Variants in DNER observed in about 807,000 individuals in gnomAD.
DNER encodes the protein delta/notch like EGF repeat containing.
A neutral mutation model predicts 78.2 loss-of-function variants in DNER; 33 were observed. That is an observed-to-expected ratio of 0.42 (90% confidence interval 0.32 to 0.56). DNER has a LOEUF of 0.56. DNER is among the 20% of genes least tolerant of loss of function. The pLI is 0.11. For synonymous variants in DNER, 417 were observed against 384.8 expected, an observed-to-expected ratio of 1.08 and a Z score of -0.98; for missense variants, 918 against 975.3, an observed-to-expected ratio of 0.94 and a Z score of 0.78.
At chr2:229,595,095 T>C (rs1458127577) in intron 1 of DNER, among the ~76,000 whole-genome samples, 1 of 152,100 alleles carries the variant, frequency 6.6e-6, no homozygotes, top group African/African-American at 2.4e-5. Context: ...TCCTACCTGC[T>C]ATTCACAATA....
intron 1 of DNER, among the ~76,000 whole-genome samples, chr2:229,654,223 T>C (rs1193568499): frequency 1.3e-5 from 2 of 152,182 alleles, no homozygotes; most frequent in Non-Finnish European, 2.9e-5. Flanking sequence ...TGTTTGATTT[T>C]CTGTCCTTGC....
chr2:229,680,739 C>T (rs10195162), intron 1 of DNER, among the ~76,000 whole-genome samples: 99,329 of 152,122 alleles, frequency 0.65, 34,146 homozygotes, highest in Middle Eastern at 0.78. Flanking sequence ...CCTTTTCATA[C>T]AGGTTACCTT....
intron 1 of DNER, among the ~76,000 whole-genome samples, chr2:229,668,035 A>G (rs6712401): frequency 0.21 from 31,428 of 152,064 alleles, 5,637 homozygotes; most frequent in African/African-American, 0.49. Flanking sequence ...GAGCTTTTGA[A>G]GCCCAAATCT....
intron 6 of DNER, among the ~76,000 whole-genome samples, chr2:229,500,482 C>A (rs1695595878): frequency 6.6e-6 from 1 of 152,090 alleles, no homozygotes. Context: ...TTAAGTTCCT[C>A]AAAAAACTAA....
At chr2:229,565,678 C>T (rs948361137) in intron 4 of DNER, among the ~76,000 whole-genome samples, 1 of 152,126 alleles carries the variant, frequency 6.6e-6, no homozygotes, top group Non-Finnish European at 1.5e-5. Context: ...TAAGTAATCT[C>T]CAATTAGCAA....
intron 1 of DNER, among the ~76,000 whole-genome samples, chr2:229,712,900 A>T (rs1340842624): frequency 2.0e-5 from 3 of 152,342 alleles, no homozygotes; most frequent in East Asian, 3.9e-4. Flanking sequence ...TAAATGAAAT[A>T]AAAAGATTCT....
intron 1 of DNER, among the ~76,000 whole-genome samples, chr2:229,704,696 G>A (rs1199398447): frequency 6.6e-6 from 1 of 152,234 alleles, no homozygotes; most frequent in Admixed American, 6.5e-5. Flanking sequence ...CGGGGCATGA[G>A]GAAATGTATA....
intron 1 of DNER, among the ~76,000 whole-genome samples, chr2:229,629,170 A>G (rs1228164655): frequency 6.6e-6 from 1 of 152,196 alleles, no homozygotes; most frequent in African/African-American, 2.4e-5. Context: ...ATTGGCTGCA[A>G]TCATCATACA....
intron 1 of DNER, among the ~76,000 whole-genome samples, chr2:229,677,253 C>T (rs1368581701): frequency 6.6e-6 from 1 of 152,144 alleles, no homozygotes; most frequent in Non-Finnish European, 1.5e-5. Context: ...CCTTCTAGCT[C>T]TCCAGGTCAA....
At chr2:229,491,815 A>T (rs1342360661) in intron 6 of DNER, among the ~76,000 whole-genome samples, 1 of 152,082 alleles carries the variant, frequency 6.6e-6, no homozygotes, top group Admixed American at 6.6e-5. Flanking sequence ...TCCCATCTCA[A>T]TTCCTGGCTT....
chr2:229,479,161 C>G (rs746102700), intron 6 of DNER, among the ~76,000 whole-genome samples: 1 of 152,150 alleles, frequency 6.6e-6, no homozygotes, highest in South Asian at 2.1e-4. Context: ...CTTTTTATGG[C>G]TGCGTAGTAT....
chr2:229,574,750 C>T (rs1697268029), intron 4 of DNER, among the ~76,000 whole-genome samples: 1 of 152,072 alleles, frequency 6.6e-6, no homozygotes, highest in African/African-American at 2.4e-5. Flanking sequence ...TGGAAGTTTG[C>T]ATATTTTGTC....
intron 4 of DNER, among the ~76,000 whole-genome samples, chr2:229,579,544 C>T (rs138191532): frequency 2.6e-5 from 4 of 152,254 alleles, no homozygotes; most frequent in East Asian, 3.9e-4. Flanking sequence ...TAGCTTTAAG[C>T]GGTGCTCTAC....
chr2:229,449,579 T>A (rs1694410836), intron 7 of DNER, among the ~76,000 whole-genome samples: 1 of 151,018 alleles, frequency 6.6e-6, no homozygotes, highest in Non-Finnish European at 1.5e-5. Flanking sequence ...GAAAAAAAAA[T>A]GGTGGGGGTG....
intron 1 of DNER, among the ~76,000 whole-genome samples, chr2:229,600,010 G>T (rs552518147): frequency 6.6e-6 from 1 of 152,262 alleles, no homozygotes; most frequent in African/African-American, 2.4e-5. Context: ...CATCAGTCAG[G>T]GAACTTTTAA....
At chr2:229,486,364 C>CAAAA (rs35357754) in intron 6 of DNER, among the ~76,000 whole-genome samples, 25 of 143,850 alleles carry the variant, frequency 1.7e-4, no homozygotes, top group Admixed American at 6.9e-4. Flanking sequence ...TTGGAATATG[C>CAAAA]AAAAAAAAAA....
intron 1 of DNER, among the ~76,000 whole-genome samples, chr2:229,620,269 AAGGAACTGTCAAC>A (rs1698231562): frequency 6.6e-6 from 1 of 152,256 alleles, no homozygotes; most frequent in Non-Finnish European, 1.5e-5. Flanking sequence ...GAAAGCAATT[AAGGAACTGTCAAC>A]AGAAAGGGCT....
At chr2:229,602,060 C>T (rs934903048) in intron 1 of DNER, among the ~76,000 whole-genome samples, 4 of 151,298 alleles carry the variant, frequency 2.6e-5, no homozygotes, top group African/African-American at 7.3e-5. Flanking sequence ...AGTTGCAGAA[C>T]AATTCCAGTG....
intron 1 of DNER, among the ~76,000 whole-genome samples, chr2:229,698,592 C>T (rs1699696541): frequency 6.6e-6 from 1 of 152,106 alleles, no homozygotes; most frequent in African/African-American, 2.4e-5. Context: ...TTTGGCATCA[C>T]GCTGTTAAGT....
Sources: gnomAD v4.1 joint callset for allele counts (sites outside exome capture counted in the v4.1 genomes callset) on GRCh38, gnomAD v4.1.1 for gene constraint, MANE v1.5 for transcripts, NCBI Gene and HGNC (gene_info 2026-07-23, HGNC 2026-07-21) for gene names.